The following TLL1 variants were observed in gnomAD, a reference collection of about 807,000 sequenced individuals.
TLL1 encodes tolloid-like protein 1.
Under a neutral mutation model 128.2 loss-of-function variants are expected in TLL1, and 49 were observed. The observed-to-expected ratio is 0.38, with a 90% CI of 0.30 to 0.48. The LOEUF (loss-of-function observed/expected upper bound fraction) is 0.48, where lower values mean the gene tolerates loss of function less well. Among genes scored for constraint, TLL1 ranks in the 20% least tolerant of loss-of-function variants. The pLI is 0.96. For synonymous variants in TLL1, 454 were observed against 418.8 expected (o/e 1.08, Z -1.03); for missense variants, 1,123 against 1,242.0 (o/e 0.90, Z 1.44).
In TLL1 at chr4:165,964,084, T is replaced by G. The variant is rs375059364; in HGVS notation, c.170-25297T>G. ...TACTACCTAATGGGGAGATACATCTTAGCATATACATTAAAATGAATTAAG... is the reference window on the plus strand; with the variant it reads ...TACTACCTAATGGGGAGATACATCTGAGCATATACATTAAAATGAATTAAG... On this transcript the variant is annotated intron_variant, in intron 1 of 20. Coordinates refer to ENST00000061240, the MANE Select transcript of TLL1 (RefSeq NM_012464.5). Among the ~76,000 whole-genome samples, 43 of 152,274 alleles carry G rather than the reference T, an allele frequency of 2.8e-4. No individual in the cohort carries two copies. The South Asian group carries it at 8.7e-3, about 31-fold the overall frequency.
chr4:166,002,431 A>C (rs1349125693), intron 5 of TLL1, among the ~76,000 whole-genome samples: 1 of 151,912 alleles, frequency 6.6e-6, no homozygotes. Context: ...TTTTGAAAAT[A>C]ATGTTCTTTC....
At chr4:165,918,343 T>G (rs1283549594) in intron 1 of TLL1, among the ~76,000 whole-genome samples, 2 of 152,016 alleles carry the variant, frequency 1.3e-5, no homozygotes, top group Non-Finnish European at 2.9e-5. Flanking sequence ...ATCTCTGGAG[T>G]CAAGGAAGAT....
chr4:166,094,599 T>C (rs1741936184), intron 19 of TLL1, among the ~76,000 whole-genome samples: 1 of 152,128 alleles, frequency 6.6e-6, no homozygotes, highest in African/African-American at 2.4e-5. Context: ...GGCTAAAACA[T>C]TTAATGGTAA....
intron 18 of TLL1, among the ~76,000 whole-genome samples, chr4:166,088,383 G>C (rs1242437377): frequency 2.0e-5 from 3 of 152,108 alleles, no homozygotes; most frequent in African/African-American, 7.2e-5. Context: ...CCTTTCCGAA[G>C]AGTTCCTATA....
intron 19 of TLL1, 91 bp from the exon 20 acceptor site, chr4:166,099,186 T>C (rs1742164085): frequency 1.3e-6 from 2 of 1,576,468 alleles, no homozygotes; most frequent in Admixed American, 3.3e-5. Context: ...AGTTAGACAA[T>C]GGCTAGGCTA....
intron 1 of TLL1, among the ~76,000 whole-genome samples, chr4:165,885,177 C>A (rs919121584): frequency 1.3e-5 from 2 of 152,090 alleles, no homozygotes; most frequent in Admixed American, 6.6e-5. Context: ...GAAATGGAAA[C>A]TCCAGTACTG....
chr4:165,921,639 C>A (rs1471037801), intron 1 of TLL1, among the ~76,000 whole-genome samples: 1 of 152,150 alleles, frequency 6.6e-6, no homozygotes, highest in Non-Finnish European at 1.5e-5. Flanking sequence ...TGACACCCTT[C>A]CCTTGATGTC....
chr4:165,955,478 G>A (rs1734740463), intron 1 of TLL1, among the ~76,000 whole-genome samples: 1 of 151,874 alleles, frequency 6.6e-6, no homozygotes, highest in African/African-American at 2.4e-5. Context: ...TTCATTTAAA[G>A]ACACATAGTC....
At chr4:165,905,871 T>G (rs1219105905) in intron 1 of TLL1, among the ~76,000 whole-genome samples, 1 of 152,156 alleles carries the variant, frequency 6.6e-6, no homozygotes, top group Non-Finnish European at 1.5e-5. Flanking sequence ...TTCTGACTCA[T>G]TTCCCAGTCC....
chr4:166,082,759 C>A (rs1225017713), intron 18 of TLL1, among the ~76,000 whole-genome samples: 2 of 152,088 alleles, frequency 1.3e-5, no homozygotes, highest in Admixed American at 6.6e-5. Context: ...CTCACTGCAA[C>A]CTCTAACTCC....
chr4:165,913,179 T>C (rs1290517329), intron 1 of TLL1, among the ~76,000 whole-genome samples: 1 of 152,240 alleles, frequency 6.6e-6, no homozygotes, highest in African/African-American at 2.4e-5. Context: ...TAGTTTGTTA[T>C]AATTAAAGTC....
At chr4:165,945,947 C>T (rs990484327) in intron 1 of TLL1, among the ~76,000 whole-genome samples, 1 of 152,104 alleles carries the variant, frequency 6.6e-6, no homozygotes, top group Non-Finnish European at 1.5e-5. Context: ...ACTGTAATCA[C>T]ATAAAGCTCT....
At chr4:166,038,667 G>A (rs954709) in intron 9 of TLL1, among the ~76,000 whole-genome samples, 7 of 151,972 alleles carry the variant, frequency 4.6e-5, no homozygotes, top group Non-Finnish European at 7.4e-5. Context: ...TTATCTTTAC[G>A]CAACAGCATC....
At chr4:166,025,159 G>A (rs1321818039) in intron 8 of TLL1, among the ~76,000 whole-genome samples, 157 bp from the exon 9 acceptor site, 1 of 152,006 alleles carries the variant, frequency 6.6e-6, no homozygotes, top group Non-Finnish European at 1.5e-5. Flanking sequence ...TCCAGTAAGG[G>A]ACATAAAAAT....
intron 14 of TLL1, 86 bp from the exon 15 acceptor site, chr4:166,059,942 A>T (rs1740223743): frequency 1.3e-6 from 2 of 1,485,890 alleles, no homozygotes; most frequent in South Asian, 1.1e-5. Flanking sequence ...TAGTGCTGAG[A>T]TGTTTGGGTA....
chr4:165,923,601 T>A (rs1733145078), intron 1 of TLL1, among the ~76,000 whole-genome samples: 1 of 151,156 alleles, frequency 6.6e-6, no homozygotes, highest in Non-Finnish European at 1.5e-5. Context: ...GCTCCACTAA[T>A]TTTTTTTGTA....
At chr4:166,028,210 T>C (rs896015009) in intron 9 of TLL1, among the ~76,000 whole-genome samples, 5 of 152,132 alleles carry the variant, frequency 3.3e-5, no homozygotes, top group Admixed American at 3.3e-4. Context: ...AGAAATACTT[T>C]ACCTGAATTC....
chr4:166,021,093 A>T (rs1460603132), intron 8 of TLL1, among the ~76,000 whole-genome samples: 1 of 152,216 alleles, frequency 6.6e-6, no homozygotes, highest in Non-Finnish European at 1.5e-5. Context: ...AATGAATTAA[A>T]GCTTCTTTTC....
At chr4:165,874,178 G>GC (rs1730620531) in intron 1 of TLL1, 105 bp downstream of exon 1, 1 of 1,384,712 alleles carries the variant, frequency 7.2e-7, no homozygotes, top group East Asian at 2.3e-5. Flanking sequence ...TCCCGCGTCA[G>GC]CCCCTCCGCC....
Sources: gnomAD v4.1 joint callset for allele counts (sites outside exome capture counted in the v4.1 genomes callset) on GRCh38, gnomAD v4.1.1 for gene constraint, MANE v1.5 for transcripts, NCBI Gene and HGNC (gene_info 2026-07-23, HGNC 2026-07-21) for gene names.